The following NHS variants were observed in gnomAD, a reference collection of about 807,000 sequenced individuals.
NHS encodes the protein NHS actin remodeling regulator.
NHS carries 5 observed loss-of-function variants against 72.5 expected under a neutral mutation model. The observed-to-expected ratio is 0.07, with a 90% CI of 0.04 to 0.14. NHS has a LOEUF of 0.14. NHS is among the 10% of genes least tolerant of loss of function. NHS has a pLI of 1.00. For synonymous variants in NHS, 464 were observed against 547.7 expected (o/e 0.85, Z 2.13); for missense variants, 1,072 against 1,355.7 (o/e 0.79, Z 3.29).
intron 1 of NHS, among the ~76,000 whole-genome samples, chrX:17,579,142 C>A (rs191152135): frequency 1.4e-4 from 16 of 112,261 alleles, no homozygotes; most frequent in Non-Finnish European, 2.3e-4. Context: ...AGAAACATTT[C>A]CCCTGATCAT....
At chrX:17,508,632 C>T (rs770741556) in intron 1 of NHS, among the ~76,000 whole-genome samples, 3 of 110,652 alleles carry the variant, frequency 2.7e-5, no homozygotes, top group East Asian at 5.7e-4. Flanking sequence ...CACTACTGCC[C>T]GGCTAATATT....
intron 5 of NHS, among the ~76,000 whole-genome samples, chrX:17,723,778 CGT>C (rs1190382938): frequency 0.038 from 2,109 of 55,008 alleles, 89 homozygotes; most frequent in African/African-American, 0.1. Context: ...TGTGCGCGCG[CGT>C]GCGCGCATGG....
intron 3 of NHS, among the ~76,000 whole-genome samples, chrX:17,707,263 G>T (rs1234674625): frequency 9.0e-6 from 1 of 111,667 alleles, no homozygotes; most frequent in Non-Finnish European, 1.9e-5. Flanking sequence ...AAGTTGATTT[G>T]GTTCCAGAGG....
chrX:17,656,424 C>G (rs1384023821), intron 1 of NHS, among the ~76,000 whole-genome samples: 1 of 112,321 alleles, frequency 8.9e-6, no homozygotes, highest in African/African-American at 3.2e-5. Flanking sequence ...TCATTTTAAA[C>G]TAATTTCTCG....
chrX:17,408,954 G>GGAGAGAGAGAGAGA (rs369974924), intron 1 of NHS, among the ~76,000 whole-genome samples: 43 of 103,418 alleles, frequency 4.2e-4, no homozygotes, highest in African/African-American at 1.5e-3. Context: ...GACGGAGAGA[G>GGAGAGAGAGAGAGA]GAGAGAGAGA....
chrX:17,439,098 A>C, intron 1 of NHS, among the ~76,000 whole-genome samples: 1 of 78,232 alleles, frequency 1.3e-5, no homozygotes, highest in African/African-American at 5.1e-5. Flanking sequence ...CATTGACAGA[A>C]TGGGGAGAAA....
intron 1 of NHS, among the ~76,000 whole-genome samples, chrX:17,477,315 G>C (rs754357450): frequency 5.4e-5 from 6 of 111,601 alleles, no homozygotes; most frequent in African/African-American, 2.0e-4. Flanking sequence ...CCAAGCAAAG[G>C]AAATAGTAAG....
chrX:17,487,574 C>T (rs978597318), intron 1 of NHS, among the ~76,000 whole-genome samples: 15 of 111,560 alleles, frequency 1.3e-4, no homozygotes, highest in African/African-American at 4.9e-4. Flanking sequence ...ATGTACCCGC[C>T]CTTGCTTTCT....
intron 4 of NHS, among the ~76,000 whole-genome samples, chrX:17,720,577 A>G (rs771528454): frequency 8.9e-6 from 1 of 112,593 alleles, no homozygotes; most frequent in African/African-American, 3.2e-5. Context: ...TTTTTAAATA[A>G]TCTGGGCTAG....
chrX:17,598,436 G>T (rs1471291436), intron 1 of NHS, among the ~76,000 whole-genome samples: 1 of 112,329 alleles, frequency 8.9e-6, no homozygotes, highest in African/African-American at 3.2e-5. Flanking sequence ...ATCATCAAAA[G>T]ACATTTTTAA....
chrX:17,437,063 T>C (rs1367339172), intron 1 of NHS, among the ~76,000 whole-genome samples: 3 of 111,892 alleles, frequency 2.7e-5, no homozygotes, highest in Non-Finnish European at 5.6e-5. Flanking sequence ...AAGCACTGTG[T>C]TGAGAAGGAT....
At chrX:17,640,105 A>G (rs145628888) in intron 1 of NHS, among the ~76,000 whole-genome samples, 23 of 111,865 alleles carry the variant, frequency 2.1e-4, no homozygotes, top group African/African-American at 6.8e-4. Flanking sequence ...AGGAAGCTAT[A>G]AGCAACTGTA....
chrX:17,482,022 T>C (rs1177930916), intron 1 of NHS, among the ~76,000 whole-genome samples: 1 of 112,353 alleles, frequency 8.9e-6, no homozygotes, highest in Non-Finnish European at 1.9e-5. Context: ...TTCACTAAAT[T>C]GGGTTCAGAT....
At chrX:17,597,618 C>T (rs2065631205) in intron 1 of NHS, among the ~76,000 whole-genome samples, 1 of 110,357 alleles carries the variant, frequency 9.1e-6, no homozygotes, top group African/African-American at 3.3e-5. Flanking sequence ...CACTTCCACT[C>T]ATAATGGGAG....
rs139312460 is a variant in NHS, at chrX:17,412,827, G to T, written c.565+36505G>T. Among the ~76,000 whole-genome samples the T allele has an allele frequency of 2.6e-3, 287 of 112,176 alleles. 2 individuals carry two copies. Among genetic ancestry groups the T allele is most frequent in the African/African-American group, 9.0e-3 (278 of 30,902 alleles). The stretch of plus-strand genomic sequence containing the variant: ...ATCAAAGATTCACAATTTTTTTTCT[G>T]TAAAGATCCAGAGGGTAAATATCTT... On this transcript the variant is annotated intron_variant, in intron 1 of 8. Coordinates refer to ENST00000676302, the MANE Select transcript of NHS (RefSeq NM_001291867.2).
chrX:17,457,927 A>G (rs761130989), intron 1 of NHS, among the ~76,000 whole-genome samples: 20 of 112,232 alleles, frequency 1.8e-4, no homozygotes, highest in Non-Finnish European at 3.6e-4. Flanking sequence ...CAACCAAGAC[A>G]TGAAACTTTG....
intron 1 of NHS, among the ~76,000 whole-genome samples, chrX:17,520,729 T>C (rs2065144174): frequency 8.9e-6 from 1 of 112,136 alleles, no homozygotes; most frequent in Non-Finnish European, 1.9e-5. Flanking sequence ...TGTGCAAGCA[T>C]GAACCCTCTT....
intron 1 of NHS, among the ~76,000 whole-genome samples, chrX:17,616,679 A>T (rs1222939190): frequency 8.9e-6 from 1 of 112,787 alleles, no homozygotes; most frequent in Non-Finnish European, 1.9e-5. Flanking sequence ...AATACTTGAT[A>T]TGTATTTAGA....
At chrX:17,663,770 G>A (rs780398797) in intron 1 of NHS, among the ~76,000 whole-genome samples, 1 of 111,717 alleles carries the variant, frequency 9.0e-6, no homozygotes, top group Non-Finnish European at 1.9e-5. Flanking sequence ...TGTATGTTTA[G>A]TTTTATAAGA....
Sources: allele counts gnomAD v4.1 joint callset (sites outside exome capture counted in the v4.1 genomes callset), GRCh38; gene constraint gnomAD v4.1.1; transcripts MANE v1.5; gene names NCBI Gene and HGNC (gene_info 2026-07-23, HGNC 2026-07-21).